FAM153A: variants seen among roughly 807,000 people sequenced by gnomAD.
FAM153A encodes protein FAM153A.
In FAM153A, 12 loss-of-function variants were observed where a neutral mutation model predicts 48.1. The observed-to-expected ratio is 0.25, with a 90% confidence interval of 0.16 to 0.40. The LOEUF (loss-of-function observed/expected upper bound fraction) is 0.40, where lower values mean the gene tolerates loss of function less well. Among genes scored for constraint, FAM153A ranks in the 10% least tolerant of loss-of-function variants. The probability of loss-of-function intolerance (pLI) is 1.00; values close to 1 mark genes in which losing one functional copy is unlikely to be tolerated. For missense variants in FAM153A, 111 were observed against 345.8 expected, an observed-to-expected ratio of 0.32 and a Z score of 5.38; for synonymous variants, 36 against 118.2, an observed-to-expected ratio of 0.30 and a Z score of 4.51.
At chr5:177,754,624 C>T (rs1767503624), upstream of FAM153A, among the ~76,000 whole-genome samples, 1 of 151,840 alleles carries the variant, frequency 6.6e-6, no homozygotes, top group Admixed American at 6.6e-5. Flanking sequence ...GCCGGCTACT[C>T]CTCTGACACA....
At chr5:177,755,868 C>T (rs1429546396), upstream of FAM153A, among the ~76,000 whole-genome samples, 2 of 149,376 alleles carry the variant, frequency 1.3e-5, no homozygotes, top group Non-Finnish European at 3.0e-5. Context: ...CCGGTACCAG[C>T]CACTGTAAAA....
chr5:177,713,157 A>G (rs1758766599), exon 27 of FAM153A: 1 of 151,958 alleles, frequency 6.6e-6, no homozygotes, highest in Admixed American at 6.6e-5. Flanking sequence ...GGCCTCACAA[A>G]TATTTCCTGG....
the FAM153A span, among the ~76,000 whole-genome samples, chr5:177,694,401 GGA>G: frequency 7.9e-6 from 1 of 126,294 alleles, no homozygotes; most frequent in Non-Finnish European, 1.6e-5. Flanking sequence ...TTCCCTGTAA[GGA>G]GAGAGAGTCC....
chr5:177,707,697 T>C (rs1476825353), downstream of FAM153A, among the ~76,000 whole-genome samples: 1 of 151,572 alleles, frequency 6.6e-6, no homozygotes, highest in Non-Finnish European at 1.5e-5. Flanking sequence ...GTAGCTGGGA[T>C]TACAGTCATG....
chr5:177,728,698 GCT>G (rs1455289764), intron 18 of FAM153A, among the ~76,000 whole-genome samples: 144 of 151,002 alleles, frequency 9.5e-4, no homozygotes, highest in Non-Finnish European at 1.7e-3. Flanking sequence ...CTCCTGAGTA[GCT>G]GGGATTGCAG....
At chr5:177,771,553 A>G (rs1201517758) in intron 1 of FAM153A, among the ~76,000 whole-genome samples, 1 of 95,488 alleles carries the variant, frequency 1.0e-5, no homozygotes, top group Non-Finnish European at 2.2e-5. Flanking sequence ...TGCAGGAAAG[A>G]TTTCATATAG....
At chr5:177,776,471 GACAA>G (rs1229954549) in intron 1 of FAM153A, among the ~76,000 whole-genome samples, 1 of 42,844 alleles carries the variant, frequency 2.3e-5, no homozygotes, top group Non-Finnish European at 4.3e-5. Context: ...ACCAACAACA[GACAA>G]ACAGAGAGCC....
At chr5:177,734,895 T>C in exon 13 of FAM153A, 1 of 1,508,082 alleles carries the variant, frequency 6.6e-7, no homozygotes, top group Non-Finnish European at 9.1e-7. Context: ...TCCTCACCGT[T>C]GTAACTGGAC....
At chr5:177,715,557 G>T (rs79604858) in intron 25 of FAM153A, among the ~76,000 whole-genome samples, 85,274 of 150,088 alleles carry the variant, frequency 0.57, 24,591 homozygotes, top group African/African-American at 0.62. Context: ...TTGATGTGGA[G>T]GTTCACTCCA....
At chr5:177,754,957 C>T (rs1325707118), upstream of FAM153A, among the ~76,000 whole-genome samples, 2 of 151,902 alleles carry the variant, frequency 1.3e-5, no homozygotes, top group African/African-American at 4.9e-5. Flanking sequence ...AACGCAGCTC[C>T]TCACCAGTAA....
At chr5:177,698,784 G>T in the FAM153A span, among the ~76,000 whole-genome samples, 1 of 147,490 alleles carries the variant, frequency 6.8e-6, no homozygotes, top group African/African-American at 2.7e-5. Context: ...TCAGCATCCT[G>T]AGTAGCTGGG....
intron 1 of FAM153A, among the ~76,000 whole-genome samples, chr5:177,779,213 A>G (rs1171105330): frequency 2.0e-5 from 3 of 148,450 alleles, no homozygotes; most frequent in Non-Finnish European, 3.0e-5. Flanking sequence ...TGCAAGCTGT[A>G]GGCTGTGTTA....
At chr5:177,753,293 T>C, upstream of FAM153A, 1 of 1,196,872 alleles carries the variant, frequency 8.4e-7, no homozygotes, top group South Asian at 1.3e-5. Flanking sequence ...AAGACCTATA[T>C]CATCAGATCA....
intron 2 of FAM153A, chr5:177,750,090 C>A (rs1239228272): frequency 6.7e-6 from 1 of 149,602 alleles, no homozygotes; most frequent in Admixed American, 6.7e-5. Context: ...AGCTTCAAAA[C>A]GATACAAAAG....
In FAM153A at chr5:177,751,507, G is replaced by A. The variant is rs899656953; in HGVS notation, c.32-455C>T. Among the ~76,000 whole-genome samples, 9 of 112,746 alleles carry A rather than the reference G, an allele frequency of 8.0e-5. No homozygotes were observed. The Admixed American group carries it at 8.3e-4, about 10-fold the overall frequency. The allele number at this position is 112,746 out of a possible 152,430, so 74.0% of individuals were successfully genotyped here. ...ATTTCATGTCTGGAAGAATAAGCCA[G>A]GCCCTTGGTAGTGGTTAATAGAGAA... On this transcript the variant is annotated intron_variant, in intron 1 of 20. Coordinates refer to ENST00000614127, the Ensembl canonical transcript of FAM153A.
At chr5:177,719,284 C>T (rs1405628340), downstream of FAM153A, among the ~76,000 whole-genome samples, 1 of 150,120 alleles carries the variant, frequency 6.7e-6, no homozygotes, top group Non-Finnish European at 1.5e-5. Flanking sequence ...ACAGAAAGAT[C>T]CTGACACGTT....
At chr5:177,728,936 C>T in intron 18 of FAM153A, 87 bp downstream of exon 20, 1 of 434,148 alleles carries the variant, frequency 2.3e-6, no homozygotes, top group Non-Finnish European at 4.2e-6. Flanking sequence ...ACCAGAGTGG[C>T]CCTTGAGCAA....
At chr5:177,711,280 T>TAA (rs1758431300) in exon 27 of FAM153A, 1 of 151,906 alleles carries the variant, frequency 6.6e-6, no homozygotes, top group African/African-American at 2.4e-5. Flanking sequence ...ACAATGTTAA[T>TAA]AATAACCACC....
At chr5:177,704,332 G>A, downstream of FAM153A, among the ~76,000 whole-genome samples, 1 of 65,262 alleles carries the variant, frequency 1.5e-5, no homozygotes, top group African/African-American at 9.3e-5. Flanking sequence ...TTTGAGGTCG[G>A]GCATGGTGGG....
Sources: allele counts gnomAD v4.1 joint callset (sites outside exome capture counted in the v4.1 genomes callset), GRCh38; gene constraint gnomAD v4.1.1; transcripts MANE v1.5; gene names NCBI Gene and HGNC (gene_info 2026-07-23, HGNC 2026-07-21).